Variants in IDH1 observed in about 807,000 individuals in gnomAD.
IDH1 encodes the protein isocitrate dehydrogenase (NADP(+)) 1.
Under a neutral mutation model 46.1 loss-of-function variants are expected in IDH1, and 33 were observed. The observed-to-expected ratio is 0.72, with a 90% confidence interval of 0.54 to 0.96. The LOEUF is 0.96. Ranked by LOEUF, IDH1 falls within the 40% of genes least tolerant of loss-of-function variation. The pLI is 0.00. For synonymous variants in IDH1, 144 were observed against 172.8 expected (o/e 0.83, Z 1.31); for missense variants, 421 against 515.7 (o/e 0.82, Z 1.78).
In IDH1 at chr2:208,239,120, CCTCAATTGTCTCAATAGAGA is replaced by C; in HGVS notation, c.1085_1104del (p.Val362GlyfsTer13). On this transcript the variant is annotated frameshift_variant, in exon 9 of 10. Transcript: ENST00000345146. LOFTEE classifies it high-confidence loss of function. Reference sequence around the variant, plus strand: ...GCCAAGTCCTTGGTCATGAAGCCAGCCTCAATTGTCTCAATAGAGACTTCTTCCAAAGCATTTGCAAAGAA... The same window carrying C: ...GCCAAGTCCTTGGTCATGAAGCCAGCCTTCTTCCAAAGCATTTGCAAAGAA... The C allele has an allele frequency of 6.2e-7, 1 of 1,613,914 alleles. No homozygotes were observed. The highest frequency in any genetic ancestry group is 8.5e-7 in the Non-Finnish European group (1 of 1,179,852).
intron 4 of IDH1, chr2:208,247,428 C>T (rs1269527760): frequency 5.9e-5 from 9 of 152,140 alleles, no homozygotes; most frequent in African/African-American, 1.7e-4. Flanking sequence ...TTTCAACTAC[C>T]GAGTCAGTTT....
chr2:208,238,573 A>G (rs1277997641), intron 9 of IDH1, among the ~76,000 whole-genome samples: 1 of 152,248 alleles, frequency 6.6e-6, no homozygotes, highest in Non-Finnish European at 1.5e-5. Flanking sequence ...AATCAATTGC[A>G]CACCTTAAAC....
At chr2:208,242,882 A>G (rs1687946914) in intron 6 of IDH1, among the ~76,000 whole-genome samples, 1 of 150,716 alleles carries the variant, frequency 6.6e-6, no homozygotes, top group Admixed American at 6.6e-5. Context: ...CTCCTGCCTC[A>G]GCCTCCCCAG....
intron 2 of IDH1, 67 bp from the exon 3 acceptor site, chr2:208,251,634 G>T: frequency 7.6e-7 from 1 of 1,315,194 alleles, no homozygotes; most frequent in Non-Finnish European, 1.1e-6. Context: ...TATAAACAAC[G>T]TAGTGTTTAT....
chr2:208,242,389 TTAAG>T (rs1687937638), intron 6 of IDH1, among the ~76,000 whole-genome samples: 1 of 152,246 alleles, frequency 6.6e-6, no homozygotes, highest in Non-Finnish European at 1.5e-5. Flanking sequence ...GCCGTGAGAA[TTAAG>T]TGAGACAGTA....
chr2:208,251,305 A>G, intron 3 of IDH1, 125 bp downstream of exon 3: 1 of 942,416 alleles, frequency 1.1e-6, no homozygotes, highest in Non-Finnish European at 1.7e-6. Context: ...GCTGGACTTG[A>G]ATTCCTGGTC....
intron 6 of IDH1, among the ~76,000 whole-genome samples, chr2:208,243,162 G>A (rs753100264): frequency 2.0e-5 from 3 of 152,146 alleles, no homozygotes; most frequent in Non-Finnish European, 2.9e-5. Flanking sequence ...CACTAACAGC[G>A]TACGTTTATT....
At position 208,243,438 on chromosome 2, in the gene IDH1, C is replaced by A; in HGVS notation, c.687G>T (p.Glu229Asp). Residue 229 changes from glutamate (E) to aspartate (D), a missense_variant, in exon 6 of 10, where the codon GAG becomes GAT. Coordinates refer to ENST00000345146, the MANE Select transcript of IDH1 (RefSeq NM_005896.4). ...AGAACTATAGTTACTTGTCATATAT[C>A]TCCTGAAAGATGTCTTTAAAACGCC... ...YDGRFKDIFQ[E>D]IYDKQYKSQF... The A allele has an allele frequency of 6.2e-7, 1 of 1,612,320 alleles. No individual in the cohort carries two copies. Among genetic ancestry groups the A allele is most frequent in the Non-Finnish European group, 8.5e-7 (1 of 1,178,494 alleles).
In IDH1 at chr2:208,251,450, G is replaced by A. The variant is rs753580953; in HGVS notation, c.102C>T (p.Tyr34=). ...TTTACCTATGTAGATCCAATTCCAC[G>A]TAGGGAAAAATGAGTTTCTCTTTAA... ...ELIKEKLIFP[Y]VELDLHSYDL... Residue 34 remains tyrosine, a synonymous_variant, in exon 3 of 10, where the codon TAC becomes TAT. Transcript: ENST00000345146. 29 of 1,612,920 alleles carry A rather than the reference G, an allele frequency of 1.8e-5. No individual in the cohort carries two copies. The highest frequency in any genetic ancestry group is 1.1e-4 in the South Asian group (10 of 91,060).
rs1559362299 is a variant in IDH1, at chr2:208,248,416, C to CA, written c.366dup (p.Gly123TrpfsTer21). On this transcript the variant is annotated frameshift_variant, in exon 4 of 10. Transcript: ENST00000345146. LOFTEE classifies it high-confidence loss of function. ...CCTATGATGATAGGTTTTACCCATCCACTCACAAGCCGGGGGATATTTTTG... is the reference window on the plus strand; with the variant it reads ...CCTATGATGATAGGTTTTACCCATCCAACTCACAAGCCGGGGGATATTTTTG... The CA allele has an allele frequency of 2.5e-6, 4 of 1,614,010 alleles. No homozygotes were observed. Among genetic ancestry groups the CA allele is most frequent in the Non-Finnish European group, 3.4e-6 (4 of 1,179,984 alleles).
intron 5 of IDH1, among the ~76,000 whole-genome samples, chr2:208,244,776 G>A (rs1408817091): frequency 2.6e-5 from 4 of 152,150 alleles, no homozygotes; most frequent in Non-Finnish European, 4.4e-5. Context: ...AAGGAAAAGG[G>A]CCCACTAATT....
intron 3 of IDH1, among the ~76,000 whole-genome samples, chr2:208,248,927 T>C (rs1403725532): frequency 2.0e-5 from 3 of 152,216 alleles, no homozygotes; most frequent in African/African-American, 4.8e-5. Context: ...ACCATCAAAC[T>C]CTGCCCTTTG....
At position 208,255,027 on chromosome 2, in the gene IDH1, G is replaced by A. The variant is rs1559364648; in HGVS notation, c.-179C>T. ...AACCACAGCCTGGCAATCCCAAACC[G>A]GACTCCCAGTGCCTCCGCTTCTGAA... On this transcript the variant is annotated 5_prime_UTR_variant, in exon 1 of 10. Coordinates refer to ENST00000345146, the MANE Select transcript of IDH1 (RefSeq NM_005896.4). The A allele has an allele frequency of 6.6e-6, 1 of 152,276 alleles. No individual in the cohort carries two copies. The highest frequency in any genetic ancestry group is 1.5e-5 in the Non-Finnish European group (1 of 68,204). The allele number at this position is 152,276 out of a possible 1,614,324, so 9.4% of individuals were successfully genotyped here.
At chr2:208,247,100 TG>T (rs1451908306) in intron 4 of IDH1, among the ~76,000 whole-genome samples, 1 of 152,166 alleles carries the variant, frequency 6.6e-6, no homozygotes, top group African/African-American at 2.4e-5. Context: ...TTGGCCAGGA[TG>T]AAAGGATAGT....
chr2:208,237,538 A>G (rs761890491), intron 9 of IDH1, among the ~76,000 whole-genome samples: 12 of 152,186 alleles, frequency 7.9e-5, no homozygotes, highest in South Asian at 4.1e-4. Context: ...TATTCAGGGC[A>G]TAGCCAAACC....
At chr2:208,238,845 T>C (rs1687865419) in intron 9 of IDH1, among the ~76,000 whole-genome samples, 1 of 152,214 alleles carries the variant, frequency 6.6e-6, no homozygotes, top group African/African-American at 2.4e-5. Context: ...ATGACTGCTT[T>C]CCTGCTACAA....
intron 4 of IDH1, 29 bp downstream of exon 4, chr2:208,248,339 CA>C (rs767649425): frequency 6.2e-7 from 1 of 1,606,252 alleles, no homozygotes. Context: ...AAAAAACATG[CA>C]AAATCACATT....
intron 4 of IDH1, 43 bp downstream of exon 4, chr2:208,248,324 GAA>G (rs759746340): frequency 3.0e-6 from 4 of 1,347,476 alleles, no homozygotes; most frequent in South Asian, 2.7e-5. Context: ...TCTGGGCCAT[GAA>G]AAAAAAAACA....
chr2:208,246,123 T>A (rs1291849753), intron 4 of IDH1, among the ~76,000 whole-genome samples: 1 of 152,138 alleles, frequency 6.6e-6, no homozygotes, highest in East Asian at 1.9e-4. Context: ...TATGGAGCAA[T>A]CAAATCATTC....
Sources: gnomAD v4.1 joint callset for allele counts (sites outside exome capture counted in the v4.1 genomes callset) on GRCh38, gnomAD v4.1.1 for gene constraint, MANE v1.5 for transcripts, NCBI Gene and HGNC (gene_info 2026-07-23, HGNC 2026-07-21) for gene names.